The following HDAC9 variants were observed in gnomAD, a reference collection of about 807,000 sequenced individuals.
The protein encoded by HDAC9 is histone deacetylase 9, also known as MEF-2 interacting transcription repressor (MITR) protein.
In HDAC9, 41 loss-of-function variants were observed where a neutral mutation model predicts 139.4. That is an observed-to-expected ratio of 0.29 (90% CI 0.23 to 0.38). The LOEUF is 0.38. Among genes scored for constraint, HDAC9 ranks in the 10% least tolerant of loss-of-function variants. The probability of loss-of-function intolerance (pLI) is 1.00; values close to 1 mark genes in which losing one functional copy is unlikely to be tolerated. For missense variants in HDAC9, 1,147 were observed against 1,297.0 expected (o/e 0.88, Z 1.78); for synonymous variants, 517 against 476.2 (o/e 1.09, Z -1.12).
At chr7:18,307,098 TGTGTGTGTG>T (rs1445953854) in intron 1 of HDAC9, among the ~76,000 whole-genome samples, 1,312 of 6,166 alleles carry the variant, frequency 0.21, 9 homozygotes, top group South Asian at 0.38. Flanking sequence ...GGGCAGTTCT[TGTGTGTGTG>T]TGTGTGTGTG....
chr7:18,416,400 G>C (rs1295932010), intron 1 of HDAC9, among the ~76,000 whole-genome samples: 3 of 152,042 alleles, frequency 2.0e-5, no homozygotes, highest in Admixed American at 1.3e-4. Context: ...GTCAGGTTTT[G>C]ATTATTAGAG....
chr7:18,123,314 T>C (rs1266533146), intron 1 of HDAC9, among the ~76,000 whole-genome samples: 1 of 152,212 alleles, frequency 6.6e-6, no homozygotes, highest in Non-Finnish European at 1.5e-5. Flanking sequence ...CTCAGTTTCA[T>C]GCCTAAGTAT....
At chr7:18,644,537 G>A (rs1481124270) in intron 8 of HDAC9, 134 bp from the exon 9 acceptor site, 9 of 589,552 alleles carry the variant, frequency 1.5e-5, no homozygotes, top group African/African-American at 1.3e-4. Flanking sequence ...TATAACTTTT[G>A]GATATAGAAG....
chr7:18,651,467 G>T (rs1260323661), intron 11 of HDAC9, among the ~76,000 whole-genome samples: 3 of 152,080 alleles, frequency 2.0e-5, no homozygotes, highest in African/African-American at 7.2e-5. Flanking sequence ...ATATAAGTAG[G>T]ATTATTTCTA....
intron 1 of HDAC9, among the ~76,000 whole-genome samples, chr7:18,359,182 C>T (rs1220542533): frequency 1.3e-5 from 2 of 152,016 alleles, no homozygotes; most frequent in Admixed American, 1.3e-4. Flanking sequence ...ATGGCAAAAC[C>T]CCATCTCTAC....
At chr7:18,710,179 T>C (rs1337219697) in intron 12 of HDAC9, among the ~76,000 whole-genome samples, 1 of 152,090 alleles carries the variant, frequency 6.6e-6, no homozygotes, top group Non-Finnish European at 1.5e-5. Flanking sequence ...GAGAACAGCA[T>C]GGAAGAAACC....
At chr7:18,687,652 C>G (rs938661950) in intron 12 of HDAC9, among the ~76,000 whole-genome samples, 15 of 151,786 alleles carry the variant, frequency 9.9e-5, no homozygotes, top group African/African-American at 3.1e-4. Context: ...ATATCGAGAA[C>G]AGATCCAAGG....
At chr7:18,926,607 G>A (rs1001051200) in intron 22 of HDAC9, among the ~76,000 whole-genome samples, 2 of 152,126 alleles carry the variant, frequency 1.3e-5, no homozygotes, top group African/African-American at 4.8e-5. Context: ...TAGTTGATTT[G>A]TAGTTGGATC....
At chr7:18,984,968 T>A (rs1023418467) in intron 25 of HDAC9, among the ~76,000 whole-genome samples, 2 of 152,182 alleles carry the variant, frequency 1.3e-5, no homozygotes, top group Non-Finnish European at 2.9e-5. Context: ...CCTTGTGATA[T>A]GAGGGAATAT....
chr7:18,154,475 T>C (rs1019325310), intron 1 of HDAC9, among the ~76,000 whole-genome samples: 3 of 152,250 alleles, frequency 2.0e-5, no homozygotes, highest in Admixed American at 2.0e-4. Context: ...ATAAAATTTC[T>C]GTAATGATAA....
rs1323964406 is a variant in HDAC9, at chr7:18,467,614, A to G, written c.-41-28648A>G. ...TCATAAAATAAACATTTTATTGTTG[A>G]AAATTTTAGATTTACAGAAAAGTTG... is the stretch of plus-strand genomic sequence containing the variant. On this transcript the variant is annotated intron_variant, in intron 1 of 3. Transcript: ENST00000413509. Among the ~76,000 whole-genome samples, 4 of 152,294 alleles carry G rather than the reference A, an allele frequency of 2.6e-5. No homozygotes were observed. In the East Asian group the frequency reaches 7.7e-4, roughly 29 times the overall value.
intron 1 of HDAC9, among the ~76,000 whole-genome samples, chr7:18,115,097 G>A (rs1783885586): frequency 6.6e-6 from 1 of 152,066 alleles, no homozygotes; most frequent in Non-Finnish European, 1.5e-5. Flanking sequence ...CGAGACCATC[G>A]TGGCTAACAC....
chr7:18,133,934 A>G (rs372301950), intron 1 of HDAC9, among the ~76,000 whole-genome samples: 40 of 112,410 alleles, frequency 3.6e-4, no homozygotes, highest in Middle Eastern at 5.6e-3. Context: ...ACACGCGTGC[A>G]CACACACACA....
At chr7:18,778,054 T>G (rs1375319800) in intron 16 of HDAC9, among the ~76,000 whole-genome samples, 1 of 151,904 alleles carries the variant, frequency 6.6e-6, no homozygotes, top group Non-Finnish European at 1.5e-5. Context: ...GGTCATAGAA[T>G]TAGTAGGCCA....
intron 1 of HDAC9, among the ~76,000 whole-genome samples, chr7:18,307,136 TGTG>T (rs1562861123): frequency 0.063 from 9,090 of 143,814 alleles, 743 homozygotes; most frequent in African/African-American, 0.21. Context: ...TGTGTGTGTG[TGTG>T]TGTGTTTGTA....
chr7:18,879,092 C>T (rs531996948), intron 22 of HDAC9, among the ~76,000 whole-genome samples: 2 of 152,168 alleles, frequency 1.3e-5, no homozygotes, highest in African/African-American at 4.8e-5. Flanking sequence ...CCTAGGAATA[C>T]AACTAATCAG....
In HDAC9 at chr7:18,097,981, T is replaced by C. The variant is rs1046750143; in HGVS notation, c.-97+10768T>C. 4.6e-5 allele frequency among the ~76,000 whole-genome samples: 7 copies of C among 152,244 alleles called. 1 individual carries two copies. The highest frequency in any genetic ancestry group is 3.9e-4 in the Admixed American group (6 of 15,284). Reference sequence around the variant, plus strand: ...TGATAGTCTAAACACATTTCAAATTTATTATAATCTGAAAAATGTCTGAAT... The same window carrying C: ...TGATAGTCTAAACACATTTCAAATTCATTATAATCTGAAAAATGTCTGAAT... On this transcript the variant is annotated intron_variant, in intron 1 of 12. Transcript: ENST00000417496.
chr7:18,993,150 A>G (rs1185252577), intron 25 of HDAC9, among the ~76,000 whole-genome samples: 2 of 152,236 alleles, frequency 1.3e-5, no homozygotes, highest in African/African-American at 4.8e-5. Flanking sequence ...TTTTTTGATT[A>G]TATGAAGATA....
intron 2 of HDAC9, among the ~76,000 whole-genome samples, chr7:18,185,366 A>G (rs1789823908): frequency 1.3e-5 from 2 of 152,230 alleles, no homozygotes; most frequent in Admixed American, 1.3e-4. Context: ...CCTCCAAGGT[A>G]ATTATAATGT....
Sources: allele counts gnomAD v4.1 joint callset (sites outside exome capture counted in the v4.1 genomes callset), GRCh38; gene constraint gnomAD v4.1.1; transcripts MANE v1.5; gene names NCBI Gene and HGNC (gene_info 2026-07-23, HGNC 2026-07-21).